Variants in PSTPIP2 observed in about 807,000 individuals in gnomAD.
The protein encoded by PSTPIP2 is proline-serine-threonine phosphatase interacting protein 2, also known as proline-serine-threonine phosphatase-interacting protein 2.
PSTPIP2 carries 33 observed loss-of-function variants against 63.3 expected under a neutral mutation model. That is an observed-to-expected ratio of 0.52 (90% CI 0.40 to 0.70). The LOEUF is 0.70. PSTPIP2 is among the 30% of genes least tolerant of loss of function. PSTPIP2 has a pLI of 0.00. For missense variants in PSTPIP2, 312 were observed against 400.7 expected (o/e 0.78, Z 1.89); for synonymous variants, 125 against 132.7 (o/e 0.94, Z 0.40).
rs1907511005 is a variant in PSTPIP2 at position 46,024,625 on chromosome 18, C to T, written c.196G>A (p.Gly66Arg). Residue 66 changes from glycine to arginine, a missense_variant, in exon 3 of 15, where the codon GGA becomes AGA. By Grantham distance (125) the Gly-to-Arg change is moderately radical (BLOSUM62 -2). Coordinates refer to ENST00000409746, the MANE Select transcript of PSTPIP2 (RefSeq NM_024430.4). ...LLNLSRKKPC[G>R]QSEINTLKRA... ...GATACATACTTGATTTCAGACTGTC[C>T]ACACGGCTTCTTCCTAGAGAGGTTG... 3.7e-6 allele frequency: 6 copies of T among 1,614,010 alleles called. No homozygotes were observed. Among genetic ancestry groups the T allele is most frequent in the Non-Finnish European group, 5.1e-6 (6 of 1,179,894 alleles).
At chr18:46,013,545 G>A (rs943868356) in intron 4 of PSTPIP2, among the ~76,000 whole-genome samples, 30 of 151,780 alleles carry the variant, frequency 2.0e-4, no homozygotes, top group Admixed American at 1.7e-3. Flanking sequence ...ACCCTGGATC[G>A]CCCAACTTCT....
At chr18:46,003,583 T>A (rs907553179) in intron 6 of PSTPIP2, among the ~76,000 whole-genome samples, 18 of 152,154 alleles carry the variant, frequency 1.2e-4, no homozygotes, top group African/African-American at 4.3e-4. Flanking sequence ...ATTTATTTTT[T>A]TTATTTTTTT....
At chr18:46,042,896 CT>C (rs796736269) in intron 1 of PSTPIP2, among the ~76,000 whole-genome samples, 21 of 152,250 alleles carry the variant, frequency 1.4e-4, no homozygotes, top group African/African-American at 5.1e-4. Flanking sequence ...TTAACTTGGC[CT>C]TCAGCACTCT....
chr18:46,011,872 A>C (rs1374531588), intron 4 of PSTPIP2, among the ~76,000 whole-genome samples: 3 of 152,250 alleles, frequency 2.0e-5, no homozygotes, highest in Non-Finnish European at 4.4e-5. Context: ...AAAGCTAAAA[A>C]GTCTGACAGA....
At chr18:45,986,431 T>C (rs1343520373) in intron 14 of PSTPIP2, among the ~76,000 whole-genome samples, 8 of 152,222 alleles carry the variant, frequency 5.3e-5, no homozygotes, top group Non-Finnish European at 8.8e-5. Context: ...TACTAGAATA[T>C]ATTCTTTACC....
At chr18:46,051,429 C>T (rs1291161375) in intron 1 of PSTPIP2, among the ~76,000 whole-genome samples, 6 of 151,854 alleles carry the variant, frequency 4.0e-5, no homozygotes, top group Admixed American at 1.3e-4. Flanking sequence ...GAGCCAAGAT[C>T]GCGCCACTGC....
At chr18:45,993,808 C>G (rs2051563681) in intron 9 of PSTPIP2, 105 bp from the exon 10 acceptor site, 3 of 946,514 alleles carry the variant, frequency 3.2e-6, no homozygotes, top group Non-Finnish European at 5.0e-6. Flanking sequence ...TATCTGTAAA[C>G]TTATTGTCCA....
rs2051440710 is a variant in PSTPIP2 at position 45,983,764 on chromosome 18, A to G, written c.*1695T>C. The G allele has an allele frequency of 6.6e-6, 1 of 152,214 alleles. No homozygotes were observed. The allele number at this position is 152,214 out of a possible 1,614,324, so 9.4% of individuals were successfully genotyped here. A position where few individuals can be genotyped will look rare whatever the true frequency, so the allele number is the denominator to read the frequency against. ...AGTTTGGGGAAATTTGGCCCTTTGC[A>G]AAATTCAGTTTCTCAAAAGGATATC... On this transcript the variant is annotated 3_prime_UTR_variant, in exon 15 of 15. Transcript: ENST00000409746.
intron 8 of PSTPIP2, 32 bp downstream of exon 8, chr18:45,998,762 C>T: frequency 6.2e-7 from 1 of 1,609,496 alleles, no homozygotes; most frequent in Non-Finnish European, 8.5e-7. Flanking sequence ...CCACCAGCAA[C>T]CCTCCCCCAT....
chr18:45,986,689 AT>A (rs1163413315), intron 14 of PSTPIP2, among the ~76,000 whole-genome samples: 2 of 152,230 alleles, frequency 1.3e-5, no homozygotes, highest in Non-Finnish European at 2.9e-5. Flanking sequence ...CTATTTGTAG[AT>A]TTGTAGGTCC....
chr18:45,993,746 G>A (rs1170172859), intron 9 of PSTPIP2, 43 bp from the exon 10 acceptor site: 2 of 1,546,858 alleles, frequency 1.3e-6, no homozygotes, highest in Non-Finnish European at 8.9e-7. Context: ...GCAAGGAAAA[G>A]GACCATTCAT....
At chr18:46,025,716 A>G (rs1359358210) in intron 2 of PSTPIP2, among the ~76,000 whole-genome samples, 1 of 152,058 alleles carries the variant, frequency 6.6e-6, no homozygotes, top group Non-Finnish European at 1.5e-5. Flanking sequence ...GAAAAGAAAA[A>G]AGAAAAAAAC....
intron 3 of PSTPIP2, among the ~76,000 whole-genome samples, chr18:46,018,048 T>C (rs1056670717): frequency 5.9e-5 from 9 of 152,224 alleles, no homozygotes; most frequent in Non-Finnish European, 8.8e-5. Context: ...ATAAGTTCTA[T>C]CTGATTCCCT....
intron 2 of PSTPIP2, among the ~76,000 whole-genome samples, chr18:46,031,112 G>C (rs1318399307): frequency 1.3e-5 from 2 of 152,100 alleles, no homozygotes; most frequent in Non-Finnish European, 2.9e-5. Flanking sequence ...TTATATCTCT[G>C]AATACTTCCA....
chr18:46,007,932 G>A (rs1392384812), intron 5 of PSTPIP2, among the ~76,000 whole-genome samples: 2 of 152,198 alleles, frequency 1.3e-5, no homozygotes, highest in Non-Finnish European at 2.9e-5. Flanking sequence ...TGAGTTAGTG[G>A]CAGAGACATC....
rs565829921 is a variant in PSTPIP2, at chr18:46,065,075, C to T, written c.33+7081G>A. 1.0e-4 allele frequency among the ~76,000 whole-genome samples: 14 copies of T among 137,564 alleles called. No individual in the cohort carries two copies. The South Asian group carries it at 2.3e-3, about 23-fold the overall frequency. The allele number at this position is 137,564 out of a possible 152,430, so 90.2% of individuals were successfully genotyped here. ...AGGAGAATTGCTTGAACCCAGGAGG[C>T]GGAGGTTACAGTGAGCCGAGGTCGT... On this transcript the variant is annotated intron_variant, in intron 1 of 14. Transcript: ENST00000409746.
rs186460897 is a variant in PSTPIP2, at chr18:46,062,882, G to C, written c.33+9274C>G. ...TTTCCCATTAGTGTCCTACATCTTT[G>C]TTTGCTTCCTTAAGAAGAATGTAGG... is the stretch of plus-strand genomic sequence containing the variant. On this transcript the variant is annotated intron_variant, in intron 1 of 14. Transcript: ENST00000409746. 1.1e-4 allele frequency among the ~76,000 whole-genome samples: 17 copies of C among 152,202 alleles called. No homozygotes were observed. The East Asian group carries it at 3.3e-3, about 29-fold the overall frequency.
Position 45,997,775 on chromosome 18 carries a change from G to T in PSTPIP2, c.616C>A (p.Gln206Lys). ...TCGCAGGCCTTGATGTGCTCACTCT[G>T]CCACTCTTCTCGGACCTTATCCAGG... Reference protein sequence around the residue: ...GTLDKVREEWQSEHIKACEAF... With the variant: ...GTLDKVREEWKSEHIKACEAF... The change falls in exon 9 of 15, where the codon CAG (glutamine) becomes AAG (lysine). Residue 206 changes from glutamine to lysine, a missense_variant. Gln to Lys is a moderately conservative substitution (Grantham distance 53, BLOSUM62 1). Coordinates refer to ENST00000409746, the MANE Select transcript of PSTPIP2 (RefSeq NM_024430.4). 6.4e-7 allele frequency: 1 copy of T among 1,564,358 alleles called. No homozygotes were observed.
intron 8 of PSTPIP2, 75 bp from the exon 9 acceptor site, chr18:45,997,903 T>G: frequency 7.6e-7 from 1 of 1,315,858 alleles, no homozygotes; most frequent in Non-Finnish European, 1.1e-6. Flanking sequence ...CAGGCTGGTC[T>G]CAGATGGCAA....
Sources: allele counts gnomAD v4.1 joint callset (sites outside exome capture counted in the v4.1 genomes callset), GRCh38; gene constraint gnomAD v4.1.1; transcripts MANE v1.5; gene names NCBI Gene and HGNC (gene_info 2026-07-23, HGNC 2026-07-21).